Variants in SLC41A2 observed in about 807,000 individuals in gnomAD.
The protein encoded by SLC41A2 is SLC41A1-like 1.
In SLC41A2, 32 loss-of-function variants were observed where a neutral mutation model predicts 58.3. The ratio of observed to expected loss-of-function variants is 0.55; its 90% confidence interval spans 0.41 to 0.74. The LOEUF is 0.74. SLC41A2 is among the 30% of genes least tolerant of loss of function. The probability of loss-of-function intolerance (pLI) is 0.00; values close to 1 mark genes in which losing one functional copy is unlikely to be tolerated. For missense variants in SLC41A2, 514 were observed against 680.6 expected, an observed-to-expected ratio of 0.76 and a Z score of 2.72; for synonymous variants, 190 against 235.0, an observed-to-expected ratio of 0.81 and a Z score of 1.75.
chr12:104,808,550 C>A (rs2041028139), intron 10 of SLC41A2, among the ~76,000 whole-genome samples: 2 of 152,022 alleles, frequency 1.3e-5, no homozygotes, highest in South Asian at 4.1e-4. Flanking sequence ...TGTCTCTGCC[C>A]AGCTTTGGTA....
chr12:104,927,970 C>A lies in SLC41A2; in HGVS notation c.555+3G>T. On this transcript the variant is annotated splice_donor_region_variant and intron_variant, in intron 2 of 10. Coordinates refer to ENST00000258538, the MANE Select transcript of SLC41A2 (RefSeq NM_001352171.3). ...GTAAAGTTAAATAAAGATGAAAACC[C>A]ACCTGTACTATATCCAGTACCATGC... 1 of 1,565,298 alleles carries A rather than the reference C, an allele frequency of 6.4e-7. No homozygotes were observed. Among genetic ancestry groups the A allele is most frequent in the South Asian group, 1.2e-5 (1 of 83,342 alleles).
At chr12:104,931,902 G>A (rs1200107665) in intron 1 of SLC41A2, 1 of 152,164 alleles carries the variant, frequency 6.6e-6, no homozygotes, top group Non-Finnish European at 1.5e-5. Context: ...CCCAACTATA[G>A]GCCAATAAAT....
intron 4 of SLC41A2, among the ~76,000 whole-genome samples, chr12:104,889,561 G>T (rs1185997008): frequency 6.6e-6 from 1 of 152,180 alleles, no homozygotes; most frequent in African/African-American, 2.4e-5. Flanking sequence ...ATAATAGAAA[G>T]ATAGGAGTTT....
At chr12:104,945,531 AC>A (rs2047684600) in intron 1 of SLC41A2, among the ~76,000 whole-genome samples, 1 of 152,064 alleles carries the variant, frequency 6.6e-6, no homozygotes, top group African/African-American at 2.4e-5. Flanking sequence ...AGAAAAAGAA[AC>A]CACAAAAGAT....
chr12:104,947,988 T>C (rs2047795841), intron 1 of SLC41A2, among the ~76,000 whole-genome samples: 2 of 152,190 alleles, frequency 1.3e-5, no homozygotes, highest in African/African-American at 4.8e-5. Context: ...CCTGGGGTCA[T>C]TTTGAAATTC....
At chr12:104,910,125 G>T (rs954615617) in intron 2 of SLC41A2, among the ~76,000 whole-genome samples, 2 of 152,156 alleles carry the variant, frequency 1.3e-5, no homozygotes, top group African/African-American at 4.8e-5. Context: ...CAATTGATTT[G>T]AATCTTGCTT....
chr12:104,825,764 C>T (rs1245133318), intron 10 of SLC41A2, among the ~76,000 whole-genome samples: 4 of 152,188 alleles, frequency 2.6e-5, no homozygotes, highest in Non-Finnish European at 5.9e-5. Flanking sequence ...GGATTCAAAG[C>T]CAGGCAATAG....
At chr12:104,816,624 AG>A (rs1219956037) in intron 10 of SLC41A2, among the ~76,000 whole-genome samples, 1 of 152,216 alleles carries the variant, frequency 6.6e-6, no homozygotes, top group Admixed American at 6.5e-5. Flanking sequence ...TAAAATAAAA[AG>A]CTGCACCTCT....
At chr12:104,951,133 T>C (rs1001511404) in intron 1 of SLC41A2, among the ~76,000 whole-genome samples, 5 of 152,222 alleles carry the variant, frequency 3.3e-5, no homozygotes, top group African/African-American at 1.2e-4. Context: ...GATTCCCATA[T>C]TTTAGTAAAT....
chr12:104,916,599 C>T (rs550282386), intron 2 of SLC41A2, among the ~76,000 whole-genome samples: 2,269 of 152,194 alleles, frequency 0.015, 57 homozygotes, highest in African/African-American at 0.052. Flanking sequence ...GTAACCAAAA[C>T]AGCATGGTAC....
intron 2 of SLC41A2, among the ~76,000 whole-genome samples, chr12:104,913,006 AT>A (rs2046152673): frequency 6.6e-6 from 1 of 152,144 alleles, no homozygotes; most frequent in Admixed American, 6.5e-5. Context: ...ACCTGTTGGA[AT>A]GCACGCCTAT....
intron 1 of SLC41A2, 94 bp downstream of exon 1, chr12:104,957,994 C>T (rs1409725405): frequency 6.6e-6 from 1 of 151,710 alleles, no homozygotes; most frequent in Non-Finnish European, 1.5e-5. Context: ...CGCCGGGTCC[C>T]GAGCCCAGGC....
At chr12:104,957,393 A>G (rs2048207165) in intron 1 of SLC41A2, among the ~76,000 whole-genome samples, 2 of 152,136 alleles carry the variant, frequency 1.3e-5, no homozygotes. Flanking sequence ...ATGAGGAGTG[A>G]TTACTAAGAG....
intron 7 of SLC41A2, 45 bp downstream of exon 7, chr12:104,866,387 C>CGT (rs759318318): frequency 4.2e-6 from 1 of 237,278 alleles, no homozygotes; most frequent in Non-Finnish European, 6.3e-6. Context: ...GACGTACACA[C>CGT]ACACACACAC....
intron 6 of SLC41A2, 54 bp from the exon 7 acceptor site, chr12:104,866,633 T>C: frequency 7.1e-7 from 1 of 1,410,952 alleles, no homozygotes; most frequent in Non-Finnish European, 9.5e-7. Flanking sequence ...CTCTCTTCTA[T>C]GTAGCAGATC....
At chr12:104,936,194 T>C (rs542421850) in intron 1 of SLC41A2, among the ~76,000 whole-genome samples, 31 of 152,328 alleles carry the variant, frequency 2.0e-4, no homozygotes, top group African/African-American at 7.2e-4. Flanking sequence ...GTTACATATA[T>C]GTAGTACATA....
chr12:104,874,770 C>T (rs2043967951), intron 6 of SLC41A2, among the ~76,000 whole-genome samples: 2 of 152,206 alleles, frequency 1.3e-5, no homozygotes, highest in Non-Finnish European at 2.9e-5. Flanking sequence ...AATTTGAAAT[C>T]AGGAAGTGTG....
intron 2 of SLC41A2, among the ~76,000 whole-genome samples, chr12:104,923,162 A>G (rs2046676408): frequency 7.1e-6 from 1 of 140,838 alleles, no homozygotes; most frequent in South Asian, 2.2e-4. Flanking sequence ...GGAGGTCGAG[A>G]CCATCCTGGC....
Position 104,849,527 on chromosome 12 carries a change from T to C in SLC41A2, c.1256-3553A>G, listed in dbSNP as rs571712821. 7.2e-5 allele frequency among the ~76,000 whole-genome samples: 11 copies of C among 152,272 alleles called. No individual in the cohort carries two copies. The East Asian group carries it at 2.1e-3, about 29-fold the overall frequency. ...ATCCCTTTTGAAAACATTTTGGCAT[T>C]GTGTAATAAAGTTGTTGAGGCCAAG... On this transcript the variant is annotated intron_variant, in intron 8 of 10. Transcript: ENST00000258538.
Sources: allele counts gnomAD v4.1 joint callset (sites outside exome capture counted in the v4.1 genomes callset), GRCh38; gene constraint gnomAD v4.1.1; transcripts MANE v1.5; gene names NCBI Gene and HGNC (gene_info 2026-07-23, HGNC 2026-07-21).